The following NSRP1 variants were observed in gnomAD, a reference collection of about 807,000 sequenced individuals.
NSRP1 encodes coiled-coil domain containing 55.
NSRP1 carries 24 observed loss-of-function variants against 54.7 expected under a neutral mutation model. The ratio of observed to expected loss-of-function variants is 0.44; its 90% CI spans 0.32 to 0.62. The LOEUF is 0.62. Ranked by LOEUF, NSRP1 falls within the 20% of genes least tolerant of loss-of-function variation. The pLI, the probability that NSRP1 is intolerant of heterozygous loss-of-function variation, is 0.06. For synonymous variants in NSRP1, 210 were observed against 213.8 expected (o/e 0.98, Z 0.15); for missense variants, 596 against 651.2 (o/e 0.92, Z 0.92).
chr17:30,170,986 G>A (rs1904910640), intron 2 of NSRP1, among the ~76,000 whole-genome samples: 1 of 152,122 alleles, frequency 6.6e-6, no homozygotes, highest in Admixed American at 6.5e-5. Flanking sequence ...GGTGTGAGGT[G>A]TTATCTCTTA....
rs565535264 is a variant in NSRP1 at position 30,185,714 on chromosome 17, CTG to C, written c.*42_*43del. ...GAAAGATTTAAGGAAGCACAGAAAA[CTG>C]TAATTCCTGGAACCTGCTGCGTAAA... is the stretch of plus-strand genomic sequence containing the variant. On this transcript the variant is annotated 3_prime_UTR_variant, in exon 7 of 7. Transcript: ENST00000247026. 29 of 1,485,834 alleles carry C rather than the reference CTG, an allele frequency of 2.0e-5. No homozygotes were observed. The highest frequency in any genetic ancestry group is 4.3e-5 in the African/African-American group (3 of 70,172). 92.0% of individuals were successfully genotyped at this position (1,485,834 alleles called of 1,614,324 possible). A position where few individuals can be genotyped will look rare whatever the true frequency, so the allele number is the denominator to read the frequency against.
chr17:30,171,498 G>A (rs562572594), intron 2 of NSRP1, among the ~76,000 whole-genome samples: 2 of 151,772 alleles, frequency 1.3e-5, no homozygotes, highest in African/African-American at 4.8e-5. Flanking sequence ...TAGAGACGGG[G>A]TTTCACCATG....
chr17:30,178,311 G>A, intron 4 of NSRP1, 112 bp downstream of exon 4: 1 of 1,126,818 alleles, frequency 8.9e-7, no homozygotes, highest in Non-Finnish European at 1.2e-6. Context: ...TGTGAGGTGT[G>A]AAGAGTCCCT....
At chr17:30,129,139 G>A (rs2071677902) in intron 2 of NSRP1, among the ~76,000 whole-genome samples, 1 of 151,582 alleles carries the variant, frequency 6.6e-6, no homozygotes, top group Non-Finnish European at 1.5e-5. Context: ...TTCCCATAGT[G>A]TATTTAGTTT....
Position 30,127,715 on chromosome 17 carries a change from AGTT to A in NSRP1, c.114+9547_114+9549del, listed in dbSNP as rs1597594816. On this transcript the variant is annotated intron_variant, in intron 2 of 6. Transcript: ENST00000247026. Reference sequence around the variant, plus strand: ...AGGTGTGAACTACTGTAACTGGCCTAGTTGTTGCTTTTGGATAAAGAGACAAAA... The same window carrying A: ...AGGTGTGAACTACTGTAACTGGCCTAGTTGCTTTTGGATAAAGAGACAAAA... The A allele has an allele frequency of 2.4e-5, 8 of 330,072 alleles. No individual in the cohort carries two copies. In the East Asian group the frequency reaches 3.5e-4, roughly 15 times the overall value. 20.4% of individuals were successfully genotyped at this position (330,072 alleles called of 1,614,324 possible).
intron 2 of NSRP1, among the ~76,000 whole-genome samples, chr17:30,150,841 C>G (rs1292524081): frequency 1.3e-5 from 2 of 151,750 alleles, no homozygotes; most frequent in Non-Finnish European, 2.9e-5. Context: ...GTGCCCGCCA[C>G]CATGCCCGGC....
chr17:30,118,393 G>C (rs2071563199), intron 2 of NSRP1, among the ~76,000 whole-genome samples: 1 of 151,992 alleles, frequency 6.6e-6, no homozygotes, highest in Admixed American at 6.6e-5. Context: ...ACAAATACAC[G>C]GTCTTTTCAG....
At chr17:30,139,206 C>G (rs774292254) in intron 2 of NSRP1, among the ~76,000 whole-genome samples, 1 of 152,022 alleles carries the variant, frequency 6.6e-6, no homozygotes, top group East Asian at 1.9e-4. Flanking sequence ...CGTGAGCCAC[C>G]GCACCCAGCT....
chr17:30,126,738 A>G (rs1331075527), intron 2 of NSRP1, among the ~76,000 whole-genome samples: 1 of 152,132 alleles, frequency 6.6e-6, no homozygotes, highest in African/African-American at 2.4e-5. Flanking sequence ...CCGGTGCGAG[A>G]CACCACTCTC....
At chr17:30,121,662 C>T (rs866377396) in intron 2 of NSRP1, among the ~76,000 whole-genome samples, 2 of 148,684 alleles carry the variant, frequency 1.3e-5, no homozygotes, top group African/African-American at 2.6e-5. Flanking sequence ...CTCCACCTCC[C>T]GGGTTCAAGC....
intron 3 of NSRP1, among the ~76,000 whole-genome samples, chr17:30,173,397 C>T (rs982734775): frequency 6.6e-6 from 1 of 152,176 alleles, no homozygotes; most frequent in African/African-American, 2.4e-5. Flanking sequence ...TCCTTAAGAT[C>T]ATACTATTAA....
intron 2 of NSRP1, among the ~76,000 whole-genome samples, chr17:30,146,665 T>C (rs1247983623): frequency 6.6e-6 from 1 of 152,254 alleles, no homozygotes; most frequent in Admixed American, 6.5e-5. Flanking sequence ...TTTAAGAGTC[T>C]TGCTCTGTCC....
At chr17:30,154,182 G>A (rs1454648828) in intron 2 of NSRP1, among the ~76,000 whole-genome samples, 3 of 152,122 alleles carry the variant, frequency 2.0e-5, no homozygotes, top group Admixed American at 6.6e-5. Context: ...TAAGCCAGAT[G>A]TGGTGGCAGG....
At chr17:30,125,616 C>G (rs1352204681) in intron 2 of NSRP1, among the ~76,000 whole-genome samples, 1 of 152,144 alleles carries the variant, frequency 6.6e-6, no homozygotes, top group Non-Finnish European at 1.5e-5. Context: ...GGCGGCATCT[C>G]GGGTCACTGC....
At position 30,184,662 on chromosome 17, in the gene NSRP1, G is replaced by A; in HGVS notation, c.665G>A (p.Ser222Asn). ...EKSRGFSNEV[S>N]SKNRIPQEKC... is the part of the protein sequence containing the mutation. ...TCAAGGGGCTTCTCCAATGAAGTAA[G>A]TTCAAAAAACAGAATACCACAAGAG... The change falls in exon 7 of 7, where the codon AGT becomes AAT. Residue 222 changes from serine (S) to asparagine (N), a missense_variant. Physicochemically the swap from Ser to Asn is conservative, Grantham distance 46. Transcript: ENST00000247026. 1 of 1,597,036 alleles carries A rather than the reference G, an allele frequency of 6.3e-7. No individual in the cohort carries two copies. Among genetic ancestry groups the A allele is most frequent in the South Asian group, 1.1e-5 (1 of 87,760 alleles).
At position 30,178,102 on chromosome 17, in the gene NSRP1, A is replaced by G. The variant is rs1199802386; in HGVS notation, c.203A>G (p.Glu68Gly). Reference protein sequence around the residue: ...TKLEIQKALAEDATVYEYDSI... With the variant: ...TKLEIQKALAGDATVYEYDSI... ...CTGGAAATCCAGAAGGCCCTTGCAG[A>G]AGATGCTACTGTGTATGAATATGAC... The change falls in exon 4 of 7, where the codon GAA (glutamate) becomes GGA (glycine). Residue 68 changes from glutamate (E) to glycine (G), a missense_variant. Transcript: ENST00000247026. 1.9e-6 allele frequency: 3 copies of G among 1,612,094 alleles called. No individual in the cohort carries two copies. Among genetic ancestry groups the G allele is most frequent in the East Asian group, 2.2e-5 (1 of 44,782 alleles).
intron 2 of NSRP1, among the ~76,000 whole-genome samples, chr17:30,170,913 C>T (rs1904907261): frequency 6.6e-6 from 1 of 152,182 alleles, no homozygotes; most frequent in African/African-American, 2.4e-5. Context: ...TAAGAATTCC[C>T]TTTTCTGGCA....
At chr17:30,133,109 A>ATTTT (rs558445432) in intron 2 of NSRP1, among the ~76,000 whole-genome samples, 3 of 110,932 alleles carry the variant, frequency 2.7e-5, no homozygotes, top group Non-Finnish European at 3.6e-5. Context: ...ACACCCAGCT[A>ATTTT]TTTTTTTTTT....
intron 2 of NSRP1, among the ~76,000 whole-genome samples, chr17:30,130,507 T>TA (rs1280127536): frequency 6.6e-6 from 1 of 152,214 alleles, no homozygotes; most frequent in African/African-American, 2.4e-5. Flanking sequence ...TTTTGATTGT[T>TA]AAATAATGCT....
Sources: gnomAD v4.1 joint callset for allele counts (sites outside exome capture counted in the v4.1 genomes callset) on GRCh38, gnomAD v4.1.1 for gene constraint, MANE v1.5 for transcripts, NCBI Gene and HGNC (gene_info 2026-07-23, HGNC 2026-07-21) for gene names.